Variants in MED29 observed in about 807,000 individuals in gnomAD.
MED29 encodes mediator complex subunit 29, also known as mediator of RNA polymerase II transcription subunit 29.
MED29 carries 14 observed loss-of-function variants against 22.0 expected under a neutral mutation model. The ratio of observed to expected loss-of-function variants is 0.64; its 90% CI spans 0.42 to 0.99. The LOEUF is 0.99. MED29 is among the 50% of genes least tolerant of loss of function. MED29 has a pLI of 0.00. For synonymous variants in MED29, 123 were observed against 107.8 expected, an observed-to-expected ratio of 1.14 and a Z score of -0.87; for missense variants, 241 against 253.7, an observed-to-expected ratio of 0.95 and a Z score of 0.34.
rs1749973758 is a variant in MED29 at position 39,397,808 on chromosome 19, C to T, written c.*109C>T. 2.0e-6 allele frequency: 3 copies of T among 1,480,184 alleles called. No individual in the cohort carries two copies. The highest frequency in any genetic ancestry group is 2.7e-6 in the Non-Finnish European group (3 of 1,111,932). 91.7% of individuals were successfully genotyped at this position (1,480,184 alleles called of 1,614,324 possible). On this transcript the variant is annotated 3_prime_UTR_variant, in exon 4 of 4. Coordinates refer to ENST00000315588, the MANE Select transcript of MED29 (RefSeq NM_017592.4). ...AGCCTCCTCTCTTCCTGCCTGAGCA[C>T]CGCAGCGGGAGCCAGCAGGGGGCAG...
chr19:39,396,731 A>G (rs2078430366), intron 3 of MED29, among the ~76,000 whole-genome samples: 2 of 143,472 alleles, frequency 1.4e-5, no homozygotes, highest in African/African-American at 2.6e-5. Flanking sequence ...ACCTCAAAAG[A>G]AAAAAAAAAA....
At chr19:39,395,997 CAG>C (rs990079970) in intron 3 of MED29, among the ~76,000 whole-genome samples, 4 of 151,876 alleles carry the variant, frequency 2.6e-5, no homozygotes, top group Non-Finnish European at 4.4e-5. Flanking sequence ...CTACAAATGT[CAG>C]GGGGAGGCCA....
Position 39,399,209 on chromosome 19 carries a change from T to C in MED29, c.*1510T>C, listed in dbSNP as rs1381889339. ...ACAGCTAGATGAGTGTTTGAATAAC[T>C]GGGACTGTAGCCCGTCCAAGTTGAC... On this transcript the variant is annotated 3_prime_UTR_variant, in exon 4 of 4. Coordinates refer to ENST00000315588, the MANE Select transcript of MED29 (RefSeq NM_017592.4). 1 of 152,252 alleles carries C rather than the reference T, an allele frequency of 6.6e-6. No homozygotes were observed. The highest frequency in any genetic ancestry group is 2.4e-5 in the African/African-American group (1 of 41,468). The allele number at this position is 152,252 out of a possible 1,614,324, so 9.4% of individuals were successfully genotyped here.
Position 39,397,545 on chromosome 19 carries a change from T to G in MED29, c.449T>G (p.Val150Gly). 6.2e-7 allele frequency: 1 copy of G among 1,613,508 alleles called. No homozygotes were observed. Among genetic ancestry groups the G allele is most frequent in the Non-Finnish European group, 8.5e-7 (1 of 1,180,026 alleles). The change falls in exon 4 of 4, where the codon GTG becomes GGG. Residue 150 changes from valine (V) to glycine (G), a missense_variant. By Grantham distance (109) the Val-to-Gly change is moderately radical. Transcript: ENST00000315588. ...CCCACAGCCACCAAGCCCGACGCAG[T>G]GCAGCCTGACAGCCTCCCCTACCCA... The part of the protein sequence containing the change: ...LVPTATKPDA[V>G]QPDSLPYPQY...
chr19:39,395,681 G>T (rs2078424340), intron 3 of MED29, among the ~76,000 whole-genome samples: 2 of 152,188 alleles, frequency 1.3e-5, no homozygotes, highest in Admixed American at 1.3e-4. Context: ...CACTTTGGGA[G>T]GCCGAGGCAG....
At position 39,397,666 on chromosome 19, in the gene MED29, C is replaced by A; in HGVS notation, c.570C>A (p.Pro190=). ...DCANKVTGKT[P]APPAGPGGTL is the part of the protein sequence containing the mutation. Reference sequence around the variant, plus strand: ...CCAACAAGGTCACGGGCAAGACACCCGCACCACCTGCTGGCCCTGGGGGCA... The same window carrying A: ...CCAACAAGGTCACGGGCAAGACACCAGCACCACCTGCTGGCCCTGGGGGCA... The change falls in exon 4 of 4, where the codon CCC becomes CCA. Residue 190 remains proline, a synonymous_variant. Coordinates refer to ENST00000315588, the MANE Select transcript of MED29 (RefSeq NM_017592.4). 1 of 1,611,868 alleles carries A rather than the reference C, an allele frequency of 6.2e-7. No homozygotes were observed. Among genetic ancestry groups the A allele is most frequent in the Non-Finnish European group, 8.5e-7 (1 of 1,179,846 alleles).
intron 3 of MED29, among the ~76,000 whole-genome samples, chr19:39,396,177 G>A (rs1654627): frequency 0.16 from 24,035 of 151,964 alleles, 2,058 homozygotes; most frequent in South Asian, 0.27. Context: ...GCGGTGGCTT[G>A]TGCCTGTAAC....
At chr19:39,394,281 GGGA>G (rs1480065242) in intron 3 of MED29, among the ~76,000 whole-genome samples, 3 of 152,036 alleles carry the variant, frequency 2.0e-5, no homozygotes, top group Admixed American at 6.6e-5. Context: ...GGGGGTGTGG[GGGA>G]GGACAGTCTC....
chr19:39,400,468 A>G lies in MED29; in HGVS notation c.*2769A>G, dbSNP rs1158695912. On this transcript the variant is annotated 3_prime_UTR_variant, in exon 4 of 4. Transcript: ENST00000315588. ...GATCAAAAAATGGAAATGTATAATT[A>G]AATCATACTTAGCAAATCTAACACA... 1 of 152,228 alleles carries G rather than the reference A, an allele frequency of 6.6e-6. No homozygotes were observed. Among genetic ancestry groups the G allele is most frequent in the African/African-American group, 2.4e-5 (1 of 41,450 alleles). The allele number at this position is 152,228 out of a possible 1,614,324, so 9.4% of individuals were successfully genotyped here. A position where few individuals can be genotyped will look rare whatever the true frequency, so the allele number is the denominator to read the frequency against.
At chr19:39,394,643 A>C (rs2078418663) in intron 3 of MED29, among the ~76,000 whole-genome samples, 1 of 138,876 alleles carries the variant, frequency 7.2e-6, no homozygotes, top group Admixed American at 8.0e-5. Context: ...AGCTCACTGC[A>C]ACCTTGGCCT....
At chr19:39,396,638 A>G (rs766039710) in intron 3 of MED29, among the ~76,000 whole-genome samples, 4 of 151,970 alleles carry the variant, frequency 2.6e-5, no homozygotes, top group Non-Finnish European at 4.4e-5. Context: ...AGGCAGAAGA[A>G]TCACTTGAAC....
chr19:39,397,250 C>T (rs532232759), intron 3 of MED29, among the ~76,000 whole-genome samples: 5 of 152,306 alleles, frequency 3.3e-5, no homozygotes, highest in African/African-American at 1.2e-4. Flanking sequence ...GGTTATTAAA[C>T]CCGTTTTCCA....
At position 39,397,648 on chromosome 19, in the gene MED29, G is replaced by A. The variant is rs369438136; in HGVS notation, c.552G>A (p.Lys184=). Residue 184 remains lysine, a synonymous_variant, in exon 4 of 4, where the codon AAG becomes AAA. Transcript: ENST00000315588. ...CCGCCCTGCTGGACTGTGCCAACAAGGTCACGGGCAAGACACCCGCACCAC... is the reference window on the plus strand; with the variant it reads ...CCGCCCTGCTGGACTGTGCCAACAAAGTCACGGGCAAGACACCCGCACCAC... ...IHTALLDCAN[K]VTGKTPAPPA... is the part of the protein sequence containing the mutation. 3.1e-6 allele frequency: 5 copies of A among 1,612,914 alleles called. No individual in the cohort carries two copies. Among genetic ancestry groups the A allele is most frequent in the Non-Finnish European group, 4.2e-6 (5 of 1,179,938 alleles).
intron 2 of MED29, among the ~76,000 whole-genome samples, chr19:39,393,081 C>CTTTTT (rs142198224): frequency 0.012 from 414 of 34,688 alleles, 2 homozygotes; most frequent in Non-Finnish European, 0.017. Flanking sequence ...TCTTTCTTTT[C>CTTTTT]TTTTTTTTTT....
At chr19:39,391,868 T>C (rs1413315430) in intron 1 of MED29, among the ~76,000 whole-genome samples, 6 of 151,960 alleles carry the variant, frequency 3.9e-5, no homozygotes, top group Admixed American at 2.0e-4. Context: ...CTACTAAAAA[T>C]ACAAAAATTA....
At chr19:39,392,604 C>A (rs761622097) in intron 2 of MED29, 82 bp downstream of exon 2, 1 of 1,211,680 alleles carries the variant, frequency 8.3e-7, no homozygotes, top group Non-Finnish European at 1.2e-6. Flanking sequence ...GCTCCCCGCC[C>A]ACCTCACCTT....
In MED29 at chr19:39,397,614, A is replaced by G. The variant is rs1292364363; in HGVS notation, c.518A>G (p.Asp173Gly). Residue 173 changes from aspartate to glycine, a missense_variant, in exon 4 of 4, where the codon GAC (aspartate) becomes GGC (glycine). Transcript: ENST00000315588. The part of the protein sequence containing the change: ...VIKAQISCAK[D>G]IHTALLDCAN... Reference sequence around the variant, plus strand: ...AAAGCCCAGATTTCCTGTGCCAAGGACATTCACACCGCCCTGCTGGACTGT... The same window carrying G: ...AAAGCCCAGATTTCCTGTGCCAAGGGCATTCACACCGCCCTGCTGGACTGT... 3.1e-6 allele frequency: 5 copies of G among 1,613,780 alleles called. No homozygotes were observed.
rs1342719557 is a variant in MED29 at position 39,398,084 on chromosome 19, CTCA to C, written c.*388_*390del. 8 of 422,422 alleles carry C rather than the reference CTCA, an allele frequency of 1.9e-5. No homozygotes were observed. The East Asian group carries it at 2.8e-4, about 15-fold the overall frequency. The allele number at this position is 422,422 out of a possible 1,614,324, so 26.2% of individuals were successfully genotyped here. A position where few individuals can be genotyped will look rare whatever the true frequency, so the allele number is the denominator to read the frequency against. On this transcript the variant is annotated 3_prime_UTR_variant, in exon 4 of 4. Transcript: ENST00000315588. Reference sequence around the variant, plus strand: ...GTGTCTCTATTACAGTTGTGTCTCTCTCATCCTGTCTCTTTTTCCCTTGTTTCT... The same window carrying C: ...GTGTCTCTATTACAGTTGTGTCTCTCTCCTGTCTCTTTTTCCCTTGTTTCT...
chr19:39,397,888 C>T lies in MED29; in HGVS notation c.*189C>T, dbSNP rs1029809640. 5.6e-6 allele frequency: 5 copies of T among 899,394 alleles called. 1 individual carries two copies. Among genetic ancestry groups the T allele is most frequent in the African/African-American group, 1.7e-5 (1 of 59,712 alleles). 55.7% of individuals were successfully genotyped at this position (899,394 alleles called of 1,614,324 possible). On this transcript the variant is annotated 3_prime_UTR_variant, in exon 4 of 4. Coordinates refer to ENST00000315588, the MANE Select transcript of MED29 (RefSeq NM_017592.4). ...GCCCCTGCGTCCCTGCCCCTTCTTC[C>T]TGCTCCCCCTCCTAGCCTAGGGTAG...
Sources: allele counts gnomAD v4.1 joint callset (sites outside exome capture counted in the v4.1 genomes callset), GRCh38; gene constraint gnomAD v4.1.1; transcripts MANE v1.5; gene names NCBI Gene and HGNC (gene_info 2026-07-23, HGNC 2026-07-21).